EXOC2: variants seen among roughly 807,000 people sequenced by gnomAD.
EXOC2 encodes exocyst complex component 2, also known as SEC5-like 1.
In EXOC2, 70 loss-of-function variants were observed where a neutral mutation model predicts 131.8. The observed-to-expected ratio is 0.53, with a 90% CI of 0.44 to 0.65. The LOEUF (loss-of-function observed/expected upper bound fraction) is 0.65, where lower values mean the gene tolerates loss of function less well. Ranked by LOEUF, EXOC2 falls within the 30% of genes least tolerant of loss-of-function variation. The pLI is 0.00. For missense variants in EXOC2, 923 were observed against 1,108.6 expected (o/e 0.83, Z 2.38); for synonymous variants, 411 against 398.4 (o/e 1.03, Z -0.38).
chr6:655,861 T>C lies in EXOC2; in HGVS notation c.-43-18000A>G, dbSNP rs1763049948. The C allele has an allele frequency of 1.2e-5, 4 of 344,396 alleles. No homozygotes were observed. The South Asian group carries it at 2.4e-4, about 21-fold the overall frequency. 21.3% of individuals were successfully genotyped at this position (344,396 alleles called of 1,614,324 possible). A position where few individuals can be genotyped will look rare whatever the true frequency, so the allele number is the denominator to read the frequency against. ...TGTTTTTCCCCCCCGAAAAAAAGAG[T>C]TGAAGAATAACTTTGATAGAATCTT... is the stretch of plus-strand genomic sequence containing the variant. On this transcript the variant is annotated intron_variant, in intron 1 of 27. Coordinates refer to ENST00000230449, the MANE Select transcript of EXOC2 (RefSeq NM_018303.6).
At chr6:645,108 A>C (rs976312636) in intron 1 of EXOC2, among the ~76,000 whole-genome samples, 2 of 152,180 alleles carry the variant, frequency 1.3e-5, no homozygotes, top group Non-Finnish European at 2.9e-5. Context: ...CATTAGGATA[A>C]ACTAATGGAC....
chr6:545,853 C>G (rs1756822638), intron 22 of EXOC2, among the ~76,000 whole-genome samples: 1 of 151,906 alleles, frequency 6.6e-6, no homozygotes. Flanking sequence ...TACGTATACC[C>G]ACATTAACAA....
chr6:505,214 C>G (rs1362378914), intron 23 of EXOC2, among the ~76,000 whole-genome samples: 2 of 152,102 alleles, frequency 1.3e-5, no homozygotes, highest in Non-Finnish European at 2.9e-5. Context: ...CTTGACAGTA[C>G]TCCTCATTTT....
intron 1 of EXOC2, among the ~76,000 whole-genome samples, chr6:650,397 ATGCATGACTATAG>A (rs1762776796): frequency 6.6e-6 from 1 of 152,232 alleles, no homozygotes; most frequent in African/African-American, 2.4e-5. Context: ...TCAGCAACTA[ATGCATGACTATAG>A]AAACGGGCAC....
intron 23 of EXOC2, among the ~76,000 whole-genome samples, chr6:514,988 AAACG>A (rs1397427582): frequency 6.6e-6 from 1 of 152,258 alleles, no homozygotes; most frequent in African/African-American, 2.4e-5. Context: ...GCTTCGCTCT[AAACG>A]AACAGTTCTT....
chr6:613,214 C>G (rs541769910), intron 6 of EXOC2, among the ~76,000 whole-genome samples: 3 of 152,078 alleles, frequency 2.0e-5, no homozygotes, highest in Non-Finnish European at 4.4e-5. Flanking sequence ...CTAAACATAC[C>G]AAGGTTGCTA....
intron 1 of EXOC2, among the ~76,000 whole-genome samples, chr6:644,107 T>C (rs1408565230): frequency 1.3e-5 from 2 of 152,032 alleles, no homozygotes; most frequent in Non-Finnish European, 2.9e-5. Context: ...GAAGAAGAAA[T>C]ATCAAGCCTA....
chr6:493,693 G>A (rs1455176733), intron 25 of EXOC2, among the ~76,000 whole-genome samples: 1 of 152,160 alleles, frequency 6.6e-6, no homozygotes, highest in East Asian at 1.9e-4. Flanking sequence ...CCCTCTTAGA[G>A]CTATGGCCTC....
chr6:575,754 T>C (rs1174830957), intron 12 of EXOC2, among the ~76,000 whole-genome samples: 4 of 152,220 alleles, frequency 2.6e-5, no homozygotes. Context: ...GATTCTTACA[T>C]GGTATCTTTC....
intron 7 of EXOC2, among the ~76,000 whole-genome samples, chr6:606,001 G>C (rs1042174226): frequency 1.3e-5 from 2 of 152,196 alleles, no homozygotes; most frequent in Non-Finnish European, 2.9e-5. Context: ...TTTCCATGTA[G>C]TTGAGCAGTT....
chr6:656,931 G>A (rs2127750766), intron 1 of EXOC2: 3 of 1,525,248 alleles, frequency 2.0e-6, no homozygotes, highest in Non-Finnish European at 2.6e-6. Context: ...GGTGATCTTG[G>A]CGCGAAACTT....
chr6:690,448 C>T (rs999334331), intron 1 of EXOC2, among the ~76,000 whole-genome samples: 2 of 152,186 alleles, frequency 1.3e-5, no homozygotes, highest in Non-Finnish European at 2.9e-5. Flanking sequence ...CAGGGGTTCA[C>T]GCCTGTAATC....
chr6:488,917 T>C (rs1005771339), intron 27 of EXOC2, 62 bp downstream of exon 27: 9 of 1,504,708 alleles, frequency 6.0e-6, no homozygotes, highest in Admixed American at 1.9e-5. Flanking sequence ...AAAGGTATTT[T>C]AGGAAACAAA....
chr6:683,274 G>A (rs185305208), intron 1 of EXOC2, among the ~76,000 whole-genome samples: 1 of 152,254 alleles, frequency 6.6e-6, no homozygotes, highest in East Asian at 1.9e-4. Context: ...AATCCCAAGT[G>A]ATATCAAGAG....
chr6:562,671 T>G (rs1035375352), intron 17 of EXOC2, 113 bp downstream of exon 17: 7 of 610,884 alleles, frequency 1.1e-5, no homozygotes, highest in Non-Finnish European at 1.8e-5. Context: ...TTAAGAAGCT[T>G]CTATTTCTAT....
intron 1 of EXOC2, among the ~76,000 whole-genome samples, chr6:640,349 ACCC>A (rs1056059851): frequency 6.6e-6 from 1 of 152,050 alleles, no homozygotes; most frequent in African/African-American, 2.4e-5. Flanking sequence ...TCGTTTTCTG[ACCC>A]CCAACATTGG....
Position 486,697 on chromosome 6 carries a change from C to T in EXOC2, c.2749G>A (p.Ala917Thr), listed in dbSNP as rs1763074352. The change falls in exon 28 of 28, where the codon GCT becomes ACT. Residue 917 changes from alanine (A) to threonine (T), a missense_variant. Coordinates refer to ENST00000230449, the MANE Select transcript of EXOC2 (RefSeq NM_018303.6). ...TATGTTTTCATCATGGTTGAAGAAG[C>T]TGCTTGGAAACAGGTGAGCTGCAAG... ...MHLQLTCFQAASSTMMKT is the reference protein window; with the variant it reads ...MHLQLTCFQATSSTMMKT The T allele has an allele frequency of 6.2e-7, 1 of 1,614,140 alleles. No homozygotes were observed. The highest frequency in any genetic ancestry group is 8.5e-7 in the Non-Finnish European group (1 of 1,180,006).
chr6:568,952 T>G (rs992181083), intron 13 of EXOC2, among the ~76,000 whole-genome samples: 3 of 152,176 alleles, frequency 2.0e-5, no homozygotes, highest in Admixed American at 6.5e-5. Flanking sequence ...TCCAAACACA[T>G]GAAAAGTAGA....
rs1561927678 is a variant in EXOC2 at position 615,182 on chromosome 6, G to GTGTGTGTGTGTGT, written c.661+2528_661+2529insACACACACACACA. Among the ~76,000 whole-genome samples, 5 of 121,032 alleles carry GTGTGTGTGTGTGT rather than the reference G, an allele frequency of 4.1e-5. No homozygotes were observed. In the East Asian group the frequency reaches 1.3e-3, roughly 32 times the overall value. 79.4% of individuals were successfully genotyped at this position (121,032 alleles called of 152,430 possible). On this transcript the variant is annotated intron_variant, in intron 6 of 27. Coordinates refer to ENST00000230449, the MANE Select transcript of EXOC2 (RefSeq NM_018303.6). Reference sequence around the variant, plus strand: ...GGTTTGAAAAGTATATGTGGGTGTGGGTGTGTGTGTGTGTGTGTGTGTGTG... The same window carrying GTGTGTGTGTGTGT: ...GGTTTGAAAAGTATATGTGGGTGTGGTGTGTGTGTGTGTGTGTGTGTGTGTGTGTGTGTGTGTG...
Sources: gnomAD v4.1 joint callset for allele counts (sites outside exome capture counted in the v4.1 genomes callset) on GRCh38, gnomAD v4.1.1 for gene constraint, MANE v1.5 for transcripts, NCBI Gene and HGNC (gene_info 2026-07-23, HGNC 2026-07-21) for gene names.